Variants in ANKFN1 observed in about 807,000 individuals in gnomAD.
The protein encoded by ANKFN1 is ankyrin repeat and fibronectin type III domain containing 1.
ANKFN1 carries 74 observed loss-of-function variants against 108.7 expected under a neutral mutation model. That is an observed-to-expected ratio of 0.68 (90% CI 0.56 to 0.83). ANKFN1 has a LOEUF of 0.83. Among genes scored for constraint, ANKFN1 ranks in the 40% least tolerant of loss-of-function variants. The probability of loss-of-function intolerance (pLI) is 0.00; values close to 1 mark genes in which losing one functional copy is unlikely to be tolerated. For synonymous variants in ANKFN1, 547 were observed against 516.2 expected (o/e 1.06, Z -0.81); for missense variants, 1,505 against 1,382.3 (o/e 1.09, Z -1.41).
intron 4 of ANKFN1, among the ~76,000 whole-genome samples, chr17:56,107,559 A>G (rs542079939): frequency 3.9e-5 from 6 of 152,248 alleles, no homozygotes; most frequent in South Asian, 2.1e-4. Flanking sequence ...AAACTAAGCT[A>G]CAGTCAAAAT....
intron 19 of ANKFN1, among the ~76,000 whole-genome samples, chr17:56,492,733 A>G (rs1035052631): frequency 2.6e-5 from 4 of 152,202 alleles, no homozygotes; most frequent in Non-Finnish European, 5.9e-5. Context: ...AGAGAAAAAG[A>G]AAATAAAATG....
In ANKFN1 at chr17:56,434,393, A is replaced by G. The variant is rs560990461; in HGVS notation, c.911-5934A>G. The stretch of plus-strand genomic sequence containing the variant: ...TTTCTAGTGTCAAAAAAAAAAAAAA[A>G]AAGAAGAAGAAGAAGAAGATGATGA... On this transcript the variant is annotated intron_variant, in intron 8 of 20. Transcript: ENST00000682825. 2.8e-3 allele frequency among the ~76,000 whole-genome samples: 420 copies of G among 150,988 alleles called. 2 individuals are homozygous for G. Among genetic ancestry groups the G allele is most frequent in the African/African-American group, 7.5e-3 (311 of 41,322 alleles).
At chr17:56,217,151 A>T (rs1334395708) in intron 2 of ANKFN1, among the ~76,000 whole-genome samples, 1 of 152,162 alleles carries the variant, frequency 6.6e-6, no homozygotes. Flanking sequence ...CTGTCATTAA[A>T]GGACCTCCCT....
At position 56,063,704 on chromosome 17, in the gene ANKFN1, G is replaced by A. The variant is rs1486875770; in HGVS notation, c.288+17379G>A. ...CATTGGGTTAGAACATGCTCCTTTA[G>A]CTCAGCATGGTTTTGTATTACTCAT... On this transcript the variant is annotated intron_variant, in intron 4 of 12. Coordinates refer to the ANKFN1 transcript ENST00000635860. Among the ~76,000 whole-genome samples, 5 of 151,762 alleles carry A rather than the reference G, an allele frequency of 3.3e-5. No homozygotes were observed. In the South Asian group the frequency reaches 6.3e-4, roughly 19 times the overall value.
At position 56,093,137 on chromosome 17, in the gene ANKFN1, A is replaced by G. The variant is rs1428714791; in HGVS notation, c.288+46812A>G. ...CATGATGTTCACAGTCCCAGGAATCAGGGTGGGCCACCTTGGCGGGGAGAG... is the reference window on the plus strand; with the variant it reads ...CATGATGTTCACAGTCCCAGGAATCGGGGTGGGCCACCTTGGCGGGGAGAG... On this transcript the variant is annotated intron_variant, in intron 4 of 12. Transcript: ENST00000635860. 3.3e-5 allele frequency among the ~76,000 whole-genome samples: 5 copies of G among 151,346 alleles called. No individual in the cohort carries two copies. The South Asian group carries it at 6.2e-4, about 19-fold the overall frequency.
chr17:56,418,290 A>G (rs2048299974), intron 8 of ANKFN1, among the ~76,000 whole-genome samples: 1 of 152,234 alleles, frequency 6.6e-6, no homozygotes, highest in Admixed American at 6.5e-5. Context: ...CTTTGAGATC[A>G]GAGGATAAAA....
chr17:56,449,228 G>C (rs775802430), intron 11 of ANKFN1, 42 bp downstream of exon 11: 48 of 1,502,606 alleles, frequency 3.2e-5, no homozygotes, highest in Non-Finnish European at 4.3e-5. Context: ...CTGAGGTCTC[G>C]GTGGCGCCGG....
At chr17:56,313,074 A>C (rs1398493418) in intron 3 of ANKFN1, among the ~76,000 whole-genome samples, 1 of 151,792 alleles carries the variant, frequency 6.6e-6, no homozygotes, top group Non-Finnish European at 1.5e-5. Context: ...GAATTGCTTG[A>C]AGCGGGGAGG....
chr17:56,447,662 G>C (rs1304766714), intron 10 of ANKFN1, among the ~76,000 whole-genome samples: 1 of 152,208 alleles, frequency 6.6e-6, no homozygotes, highest in Non-Finnish European at 1.5e-5. Context: ...TCAGCTGATA[G>C]GGTAAGAAAT....
At chr17:56,170,866 T>A (rs1910636002) in intron 1 of ANKFN1, among the ~76,000 whole-genome samples, 1 of 136,858 alleles carries the variant, frequency 7.3e-6, no homozygotes, top group African/African-American at 2.6e-5. Context: ...ATAGTCCCCA[T>A]ATTTATATAT....
At chr17:56,364,492 T>C (rs2046609784) in intron 6 of ANKFN1, among the ~76,000 whole-genome samples, 1 of 152,240 alleles carries the variant, frequency 6.6e-6, no homozygotes, top group Non-Finnish European at 1.5e-5. Context: ...ACTATATGTC[T>C]ATGAACAGCA....
Position 56,510,462 on chromosome 17 carries a change from T to C in ANKFN1, c.2645-11T>C, listed in dbSNP as rs2051710147. The C allele has an allele frequency of 6.5e-7, 1 of 1,533,418 alleles. No individual in the cohort carries two copies. Among genetic ancestry groups the C allele is most frequent in the Middle Eastern group, 1.7e-4 (1 of 5,960 alleles). The allele number at this position is 1,533,418 out of a possible 1,614,324, so 95.0% of individuals were successfully genotyped here. A position where few individuals can be genotyped will look rare whatever the true frequency, so the allele number is the denominator to read the frequency against. On this transcript the variant is annotated splice_polypyrimidine_tract_variant and intron_variant, in intron 20 of 20. Coordinates refer to ENST00000682825, the MANE Select transcript of ANKFN1 (RefSeq NM_001370326.1). The stretch of plus-strand genomic sequence containing the variant: ...CTATATTTTTCCTAACCTCAGTTTC[T>C]GGCTTCGCAGATTCACAGCCCTGCT...
At chr17:56,074,453 A>T (rs17759111) in intron 4 of ANKFN1, among the ~76,000 whole-genome samples, 18,390 of 152,212 alleles carry the variant, frequency 0.12, 1,409 homozygotes, top group Non-Finnish European at 0.17. Flanking sequence ...CCTGGGTTCT[A>T]CTAGGAGCTA....
chr17:56,489,450 T>TAAAA (rs79704215), intron 18 of ANKFN1, among the ~76,000 whole-genome samples: 1 of 140,182 alleles, frequency 7.1e-6, no homozygotes. Context: ...GGTCTGGATT[T>TAAAA]AAAAAAAAAA....
In ANKFN1 at chr17:56,325,903, C is replaced by T. The variant is rs376554778; in HGVS notation, c.54-318C>T. Among the ~76,000 whole-genome samples, 115 of 152,304 alleles carry T rather than the reference C, an allele frequency of 7.6e-4. 1 individual carries two copies. Among genetic ancestry groups the T allele is most frequent in the African/African-American group, 2.8e-3 (115 of 41,572 alleles). ...CCTCTGCTCACCCCTGAGTGACAGT[C>T]GGTTCGGATTCAGTCTTGTTTACTA... is the stretch of plus-strand genomic sequence containing the variant. On this transcript the variant is annotated intron_variant, in intron 3 of 20. Coordinates refer to ENST00000682825, the MANE Select transcript of ANKFN1 (RefSeq NM_001370326.1).
intron 3 of ANKFN1, among the ~76,000 whole-genome samples, chr17:56,290,255 C>T (rs1017368030): frequency 3.9e-5 from 6 of 152,276 alleles, no homozygotes; most frequent in African/African-American, 1.4e-4. Flanking sequence ...ACCAAGAACC[C>T]TCTAGAATTA....
At position 56,256,057 on chromosome 17, in the gene ANKFN1, G is replaced by A. The variant is rs967433899; in HGVS notation, c.53+28100G>A. Among the ~76,000 whole-genome samples, 63 of 152,158 alleles carry A rather than the reference G, an allele frequency of 4.1e-4. 1 individual carries two copies. Among genetic ancestry groups the A allele is most frequent in the Non-Finnish European group, 4.4e-4 (30 of 68,024 alleles). ...AAATATAGAGATAGTAATTTTGCCT[G>A]AAGAAAGAATGTATCATGAGCTGAA... On this transcript the variant is annotated intron_variant, in intron 3 of 20. Coordinates refer to ENST00000682825, the MANE Select transcript of ANKFN1 (RefSeq NM_001370326.1).
At chr17:56,055,588 T>TATATATATATATAC (rs1491237982) in intron 4 of ANKFN1, among the ~76,000 whole-genome samples, 1 of 101,724 alleles carries the variant, frequency 9.8e-6, no homozygotes, top group African/African-American at 6.5e-5. Context: ...TATATATATA[T>TATATATATATATAC]GTATATATAC....
intron 8 of ANKFN1, among the ~76,000 whole-genome samples, chr17:56,402,041 AC>A (rs2047780616): frequency 6.6e-6 from 1 of 151,968 alleles, no homozygotes; most frequent in Non-Finnish European, 1.5e-5. Context: ...CTGGTGTGAA[AC>A]CCACTTGATC....
Sources: gnomAD v4.1 joint callset for allele counts (sites outside exome capture counted in the v4.1 genomes callset) on GRCh38, gnomAD v4.1.1 for gene constraint, MANE v1.5 for transcripts, NCBI Gene and HGNC (gene_info 2026-07-23, HGNC 2026-07-21) for gene names.